Variants in FAM163A observed in about 807,000 individuals in gnomAD.
The protein encoded by FAM163A is protein FAM163A.
In FAM163A, 7 loss-of-function variants were observed where a neutral mutation model predicts 12.0. That is an observed-to-expected ratio of 0.58 (90% CI 0.33 to 1.10). The LOEUF (loss-of-function observed/expected upper bound fraction) is 1.10, where lower values mean the gene tolerates loss of function less well. Ranked by LOEUF, FAM163A falls within the 50% of genes least tolerant of loss-of-function variation. FAM163A has a pLI of 0.03. For missense variants in FAM163A, 202 were observed against 218.6 expected (o/e 0.92, Z 0.48); for synonymous variants, 101 against 91.0 (o/e 1.11, Z -0.62).
chr1:179,745,094 A>T (rs1350716715), intron 1 of FAM163A, among the ~76,000 whole-genome samples: 3 of 152,170 alleles, frequency 2.0e-5, no homozygotes, highest in South Asian at 4.1e-4. Context: ...GGGAGGTTTC[A>T]GTTCCCATGC....
chr1:179,754,243 C>T (rs1470241084), intron 1 of FAM163A, among the ~76,000 whole-genome samples: 1 of 152,018 alleles, frequency 6.6e-6, no homozygotes, highest in Non-Finnish European at 1.5e-5. Context: ...AGGCAGGGCA[C>T]TAAGCCAGGG....
chr1:179,776,241 A>C (rs11800623), intron 1 of FAM163A, among the ~76,000 whole-genome samples: 60,841 of 151,828 alleles, frequency 0.4, 13,089 homozygotes, highest in African/African-American at 0.54. Context: ...CACCTGTAAT[A>C]CCGGCACTTT....
chr1:179,787,288 T>C (rs1428546779), intron 1 of FAM163A, among the ~76,000 whole-genome samples: 1 of 152,118 alleles, frequency 6.6e-6, no homozygotes, highest in African/African-American at 2.4e-5. Flanking sequence ...TAAACACATC[T>C]ATTCCTGAGA....
intron 1 of FAM163A, among the ~76,000 whole-genome samples, chr1:179,774,765 C>T (rs1018296825): frequency 2.6e-5 from 4 of 152,136 alleles, no homozygotes; most frequent in South Asian, 4.1e-4. Flanking sequence ...TGTTTCCACC[C>T]GCAGACCCTG....
chr1:179,807,255 T>C (rs964412910), intron 1 of FAM163A, among the ~76,000 whole-genome samples: 2 of 152,154 alleles, frequency 1.3e-5, no homozygotes, highest in African/African-American at 4.8e-5. Flanking sequence ...AGCCTGAACT[T>C]GCTCATCTGG....
At chr1:179,807,640 G>A (rs113580613) in intron 1 of FAM163A, among the ~76,000 whole-genome samples, 158 bp from the exon 2 acceptor site, 4,746 of 152,270 alleles carry the variant, frequency 0.031, 99 homozygotes, top group African/African-American at 0.042. Context: ...CTGGGGCCTC[G>A]GAAACCAAGG....
At chr1:179,731,427 A>T in the FAM163A span, among the ~76,000 whole-genome samples, 1 of 152,182 alleles carries the variant, frequency 6.6e-6, no homozygotes, top group Non-Finnish European at 1.5e-5. Context: ...CAGTACAAGG[A>T]TTTAGCGTTC....
At chr1:179,765,370 A>C (rs1456824292) in intron 1 of FAM163A, among the ~76,000 whole-genome samples, 1 of 152,246 alleles carries the variant, frequency 6.6e-6, no homozygotes, top group East Asian at 1.9e-4. Flanking sequence ...ATAAGCTCCC[A>C]AAGATACTGC....
At chr1:179,812,669 C>G (rs1240673572) in intron 3 of FAM163A, among the ~76,000 whole-genome samples, 1 of 152,112 alleles carries the variant, frequency 6.6e-6, no homozygotes, top group Non-Finnish European at 1.5e-5. Flanking sequence ...AATAACTGCC[C>G]CGAAGGGTTA....
chr1:179,813,108 G>A lies in FAM163A; in HGVS notation c.11G>A (p.Gly4Glu). Residue 4 changes from glycine (G) to glutamate (E), a missense_variant, in exon 4 of 5, where the codon GGA becomes GAA. By Grantham distance (98) the Gly-to-Glu change is moderately conservative. Coordinates refer to ENST00000341785, the MANE Select transcript of FAM163A (RefSeq NM_173509.3). ...TGGGGCGCCGGGCGGATGACAGCGG[G>A]AACGGTTGTGATCACTGGCGGAATC... is the stretch of plus-strand genomic sequence containing the variant. The part of the protein sequence containing the change: MTA[G>E]TVVITGGILA... The A allele has an allele frequency of 6.4e-7, 1 of 1,551,810 alleles. No individual in the cohort carries two copies. Among genetic ancestry groups the A allele is most frequent in the Non-Finnish European group, 8.7e-7 (1 of 1,147,028 alleles).
chr1:179,798,575 G>A (rs1692717034), intron 1 of FAM163A, among the ~76,000 whole-genome samples: 1 of 152,232 alleles, frequency 6.6e-6, no homozygotes, highest in Non-Finnish European at 1.5e-5. Context: ...ATATTTGTCT[G>A]ATGTGATTGA....
intron 1 of FAM163A, among the ~76,000 whole-genome samples, chr1:179,796,694 T>C (rs956861043): frequency 3.9e-5 from 6 of 152,176 alleles, no homozygotes; most frequent in African/African-American, 1.4e-4. Flanking sequence ...AACAGCATGG[T>C]ACCTCCCAAC....
At chr1:179,776,883 T>G (rs974452537) in intron 1 of FAM163A, among the ~76,000 whole-genome samples, 1 of 152,164 alleles carries the variant, frequency 6.6e-6, no homozygotes, top group African/African-American at 2.4e-5. Context: ...CAAACCCTAT[T>G]ATATTTACCT....
the FAM163A span, among the ~76,000 whole-genome samples, chr1:179,732,372 G>A: frequency 6.6e-6 from 1 of 152,168 alleles, no homozygotes; most frequent in Non-Finnish European, 1.5e-5. Context: ...CTTTGGTGCT[G>A]GGCAAAGCTT....
At chr1:179,727,830 T>A in the FAM163A span, among the ~76,000 whole-genome samples, 16 of 152,006 alleles carry the variant, frequency 1.1e-4, no homozygotes, top group Admixed American at 6.6e-4. Flanking sequence ...GAAGAGAAGC[T>A]CCCAAGAAAA....
At chr1:179,735,793 G>A in the FAM163A span, among the ~76,000 whole-genome samples, 1 of 152,002 alleles carries the variant, frequency 6.6e-6, no homozygotes, top group Non-Finnish European at 1.5e-5. Flanking sequence ...GTGAGCCACC[G>A]CCCCCAGCCG....
intron 1 of FAM163A, among the ~76,000 whole-genome samples, chr1:179,754,009 C>A (rs932634662): frequency 6.6e-6 from 1 of 152,104 alleles, no homozygotes; most frequent in Non-Finnish European, 1.5e-5. Flanking sequence ...GAGTGCTGAC[C>A]ACATGATTGA....
chr1:179,777,224 G>A (rs1689105372), intron 1 of FAM163A, among the ~76,000 whole-genome samples: 1 of 152,184 alleles, frequency 6.6e-6, no homozygotes, highest in African/African-American at 2.4e-5. Flanking sequence ...ATACACCTAA[G>A]AATGGTAATC....
At chr1:179,737,532 C>T in the FAM163A span, among the ~76,000 whole-genome samples, 11 of 152,064 alleles carry the variant, frequency 7.2e-5, no homozygotes, top group Non-Finnish European at 1.6e-4. Flanking sequence ...AACGAACGCC[C>T]CATCAAAAAA....
Sources: allele counts gnomAD v4.1 joint callset (sites outside exome capture counted in the v4.1 genomes callset), GRCh38; gene constraint gnomAD v4.1.1; transcripts MANE v1.5; gene names NCBI Gene and HGNC (gene_info 2026-07-23, HGNC 2026-07-21).